HHAT: variants seen among roughly 807,000 people sequenced by gnomAD.
HHAT encodes the protein protein-cysteine N-palmitoyltransferase HHAT.
A neutral mutation model predicts 70.8 loss-of-function variants in HHAT; 47 were observed. The observed-to-expected ratio is 0.66, with a 90% CI of 0.53 to 0.85. The LOEUF (loss-of-function observed/expected upper bound fraction) is 0.85, where lower values mean the gene tolerates loss of function less well. Ranked by LOEUF, HHAT falls within the 40% of genes least tolerant of loss-of-function variation. The pLI, the probability that HHAT is intolerant of heterozygous loss-of-function variation, is 0.00. For synonymous variants in HHAT, 228 were observed against 247.6 expected (o/e 0.92, Z 0.74); for missense variants, 609 against 604.8 (o/e 1.01, Z -0.07).
Position 210,587,891 on chromosome 1 carries a change from T to A in HHAT, c.1044-7T>A. 6.2e-7 allele frequency: 1 copy of A among 1,612,168 alleles called. No homozygotes were observed. The highest frequency in any genetic ancestry group is 8.5e-7 in the Non-Finnish European group (1 of 1,178,824). Reference sequence around the variant, plus strand: ...GTATGTCTCCTAACAGCCTCTTCTTTCTCTAGGTATGTGTACATTCCAGTG... The same window carrying A: ...GTATGTCTCCTAACAGCCTCTTCTTACTCTAGGTATGTGTACATTCCAGTG... On this transcript the variant is annotated splice_region_variant and splice_polypyrimidine_tract_variant and intron_variant, in intron 9 of 11. Coordinates refer to ENST00000261458, the MANE Select transcript of HHAT (RefSeq NM_018194.6).
At chr1:210,630,929 A>G (rs1251705698) in intron 11 of HHAT, 1 of 402,726 alleles carries the variant, frequency 2.5e-6, no homozygotes, top group Middle Eastern at 7.5e-4. Context: ...AACTGAAGCC[A>G]TATAATTTTG....
At chr1:210,398,793 T>C (rs1320382590) in intron 4 of HHAT, among the ~76,000 whole-genome samples, 1 of 152,250 alleles carries the variant, frequency 6.6e-6, no homozygotes, top group Non-Finnish European at 1.5e-5. Context: ...TTTGGCCATG[T>C]ATTCCTTATA....
intron 9 of HHAT, among the ~76,000 whole-genome samples, chr1:210,552,822 C>T (rs762668484): frequency 4.6e-5 from 7 of 152,164 alleles, no homozygotes; most frequent in Non-Finnish European, 8.8e-5. Context: ...TAATGGACCT[C>T]CTCATTCTCC....
rs762605610 is a variant in HHAT, at chr1:210,349,014, C to T, written c.39C>T (p.Ala13=). 1.2e-6 allele frequency: 2 copies of T among 1,614,094 alleles called. No individual in the cohort carries two copies. Among genetic ancestry groups the T allele is most frequent in the Non-Finnish European group, 1.7e-6 (2 of 1,179,992 alleles). The part of the protein sequence containing the change: ...PRWELALYLL[A]SLGFHFYSFY... ...GGGAACTGGCACTTTACCTACTTGCCTCACTAGGCTTCCACTTCTATTCCT... is the reference window on the plus strand; with the variant it reads ...GGGAACTGGCACTTTACCTACTTGCTTCACTAGGCTTCCACTTCTATTCCT... Residue 13 remains alanine, a synonymous_variant, in exon 2 of 12, where the codon GCC becomes GCT. Coordinates refer to ENST00000261458, the MANE Select transcript of HHAT (RefSeq NM_018194.6).
chr1:210,589,123 A>G (rs1558225682), intron 10 of HHAT: 2 of 152,258 alleles, frequency 1.3e-5, no homozygotes, highest in Non-Finnish European at 2.9e-5. Context: ...GCAATCACAC[A>G]CAGAAAATTT....
intron 11 of HHAT, 111 bp from the exon 12 acceptor site, chr1:210,674,177 G>A (rs1680756558): frequency 1.2e-6 from 1 of 801,066 alleles, no homozygotes; most frequent in Non-Finnish European, 2.1e-6. Flanking sequence ...TTTCCTGGAG[G>A]CCTTTGTTGT....
At chr1:210,644,581 T>A (rs1338803359) in intron 11 of HHAT, among the ~76,000 whole-genome samples, 1 of 118,022 alleles carries the variant, frequency 8.5e-6, no homozygotes, top group Non-Finnish European at 1.6e-5. Flanking sequence ...CCAGTCTGAG[T>A]GACAAAGCAA....
At chr1:210,461,025 G>A (rs1347817237) in intron 7 of HHAT, among the ~76,000 whole-genome samples, 1 of 152,152 alleles carries the variant, frequency 6.6e-6, no homozygotes, top group Non-Finnish European at 1.5e-5. Flanking sequence ...CTTGCTAATT[G>A]AGAAAATCTT....
chr1:210,355,953 GT>G (rs1254448321), intron 2 of HHAT, among the ~76,000 whole-genome samples: 1 of 152,068 alleles, frequency 6.6e-6, no homozygotes, highest in Non-Finnish European at 1.5e-5. Flanking sequence ...GTCTCATCCT[GT>G]TGCTCAGGCT....
At chr1:210,618,320 G>C (rs930238675) in intron 10 of HHAT, among the ~76,000 whole-genome samples, 4 of 152,044 alleles carry the variant, frequency 2.6e-5, no homozygotes, top group African/African-American at 9.7e-5. Context: ...AGTCTGTGGG[G>C]TGTTCACCCC....
chr1:210,343,481 G>T (rs922413672), intron 1 of HHAT, among the ~76,000 whole-genome samples: 1 of 152,222 alleles, frequency 6.6e-6, no homozygotes, highest in Non-Finnish European at 1.5e-5. Flanking sequence ...ACAGGCAAGA[G>T]TTGAAAAGAG....
chr1:210,615,356 T>G (rs1558279600), intron 10 of HHAT, among the ~76,000 whole-genome samples: 3 of 152,190 alleles, frequency 2.0e-5, no homozygotes, highest in African/African-American at 7.2e-5. Flanking sequence ...TTTTTCAATG[T>G]TTTTAACTTC....
At chr1:210,651,024 C>T (rs1275596576) in intron 11 of HHAT, among the ~76,000 whole-genome samples, 2 of 152,178 alleles carry the variant, frequency 1.3e-5, no homozygotes, top group African/African-American at 4.8e-5. Flanking sequence ...ACAATCTCAT[C>T]CCTAGGGGGA....
At chr1:210,471,781 A>AT (rs1457488504) in intron 8 of HHAT, among the ~76,000 whole-genome samples, 11 of 152,144 alleles carry the variant, frequency 7.2e-5, no homozygotes, top group Non-Finnish European at 1.3e-4. Flanking sequence ...TTAATATAAC[A>AT]TTTTTTTCTG....
At chr1:210,512,691 C>A (rs898061333) in intron 8 of HHAT, among the ~76,000 whole-genome samples, 50 of 143,786 alleles carry the variant, frequency 3.5e-4, no homozygotes, top group African/African-American at 5.7e-4. Context: ...AAAAAAAAAA[C>A]CCATATATAT....
At chr1:210,492,142 A>G (rs1206802106) in intron 8 of HHAT, among the ~76,000 whole-genome samples, 2 of 152,012 alleles carry the variant, frequency 1.3e-5, no homozygotes, top group Admixed American at 6.6e-5. Context: ...CTCTACATCC[A>G]TCTTCTACAT....
At chr1:210,639,625 C>T (rs1385277394) in intron 11 of HHAT, among the ~76,000 whole-genome samples, 1 of 152,188 alleles carries the variant, frequency 6.6e-6, no homozygotes. Flanking sequence ...GTTAAATGTG[C>T]ATGACACTCA....
Position 210,558,137 on chromosome 1 carries a change from G to A in HHAT, c.1044-29761G>A, listed in dbSNP as rs144792207. Reference sequence around the variant, plus strand: ...GTTCCTTGGTGGCAGAGAGTTTTTCGTTACTCAGGTTTGAATTTCCCATAA... The same window carrying A: ...GTTCCTTGGTGGCAGAGAGTTTTTCATTACTCAGGTTTGAATTTCCCATAA... On this transcript the variant is annotated intron_variant, in intron 9 of 11. Coordinates refer to ENST00000261458, the MANE Select transcript of HHAT (RefSeq NM_018194.6). Among the ~76,000 whole-genome samples, 893 of 152,232 alleles carry A rather than the reference G, an allele frequency of 5.9e-3. 14 individuals are homozygous for A. The highest frequency in any genetic ancestry group is 0.021 in the South Asian group (100 of 4,828).
chr1:210,414,586 G>T (rs1238993372), intron 6 of HHAT, among the ~76,000 whole-genome samples: 1 of 152,278 alleles, frequency 6.6e-6, no homozygotes, highest in East Asian at 1.9e-4. Context: ...GGGCTTCCTG[G>T]CAGAAGTTCT....
Sources: gnomAD v4.1 joint callset for allele counts (sites outside exome capture counted in the v4.1 genomes callset) on GRCh38, gnomAD v4.1.1 for gene constraint, MANE v1.5 for transcripts, NCBI Gene and HGNC (gene_info 2026-07-23, HGNC 2026-07-21) for gene names.